The following PUM2 variants were observed in gnomAD, a reference collection of about 807,000 sequenced individuals.
The protein encoded by PUM2 is pumilio homolog 2.
A neutral mutation model predicts 124.5 loss-of-function variants in PUM2; 57 were observed. The observed-to-expected ratio is 0.46, with a 90% confidence interval of 0.37 to 0.57. The LOEUF (loss-of-function observed/expected upper bound fraction) is 0.57, where lower values mean the gene tolerates loss of function less well. PUM2 is among the 20% of genes least tolerant of loss of function. PUM2 has a pLI of 0.00. For synonymous variants in PUM2, 460 were observed against 446.1 expected (o/e 1.03, Z -0.39); for missense variants, 1,065 against 1,290.6 (o/e 0.83, Z 2.68).
intron 7 of PUM2, among the ~76,000 whole-genome samples, chr2:20,304,689 G>A (rs578007710): frequency 5.1e-4 from 77 of 152,130 alleles, no homozygotes; most frequent in Non-Finnish European, 1.0e-3. Flanking sequence ...TATAGTCACT[G>A]TGCATTTAAA....
At chr2:20,270,339 G>C (rs1378219962) in intron 13 of PUM2, among the ~76,000 whole-genome samples, 6 of 152,088 alleles carry the variant, frequency 3.9e-5, no homozygotes, top group Admixed American at 2.6e-4. Flanking sequence ...TTTCTGATTG[G>C]AGTGAAGAAA....
At chr2:20,350,846 C>A, upstream of PUM2, 7 of 963,762 alleles carry the variant, frequency 7.3e-6, no homozygotes, top group Non-Finnish European at 7.4e-6. Context: ...CCCTCCCCTC[C>A]CCCCCGCCCA....
In PUM2 at chr2:20,261,431, C is replaced by T. The variant is rs949066914; in HGVS notation, c.2226-965G>A. Among the ~76,000 whole-genome samples the T allele has an allele frequency of 3.0e-5, 3 of 100,728 alleles. No individual in the cohort carries two copies. In the East Asian group the frequency reaches 7.1e-4, roughly 24 times the overall value. 66.1% of individuals were successfully genotyped at this position (100,728 alleles called of 152,430 possible). The stretch of plus-strand genomic sequence containing the variant: ...AAAAAAAAAAAAAAAAAGTGTAGTA[C>T]ATATAATTGTGTACGGTATCTGATA... On this transcript the variant is annotated intron_variant, in intron 14 of 20. Transcript: ENST00000361078.
intron 1 of PUM2, among the ~76,000 whole-genome samples, chr2:20,327,856 G>C (rs1031807315): frequency 2.6e-5 from 4 of 152,126 alleles, no homozygotes; most frequent in African/African-American, 9.7e-5. Context: ...AGTAAGAAAG[G>C]GAATCCCAGA....
In PUM2 at chr2:20,248,758, C is replaced by T. The variant is rs987148453; in HGVS notation, c.*2827G>A. ...CAGGTTTATTTCATACAATGTTATT[C>T]ACACATTTTTCATTTTCTAATTTAT... On this transcript the variant is annotated 3_prime_UTR_variant, in exon 21 of 21. Transcript: ENST00000361078. The T allele has an allele frequency of 6.6e-6, 1 of 152,590 alleles. No homozygotes were observed. Among genetic ancestry groups the T allele is most frequent in the Non-Finnish European group, 1.5e-5 (1 of 68,022 alleles). 9.5% of individuals were successfully genotyped at this position (152,590 alleles called of 1,614,324 possible).
intron 16 of PUM2, among the ~76,000 whole-genome samples, chr2:20,257,241 T>C (rs951681174): frequency 1.3e-5 from 2 of 152,080 alleles, no homozygotes; most frequent in African/African-American, 2.4e-5. Flanking sequence ...TATTTCTCCA[T>C]TGTGACACAC....
chr2:20,350,171 G>A (rs749445663), intron 1 of PUM2: 1 of 152,340 alleles, frequency 6.6e-6, no homozygotes, highest in African/African-American at 2.4e-5. Context: ...GCCCACACTT[G>A]TTTTCATAAA....
intron 20 of PUM2, 67 bp from the exon 21 acceptor site, chr2:20,251,783 C>T (rs932142911): frequency 1.9e-6 from 3 of 1,547,634 alleles, no homozygotes; most frequent in Non-Finnish European, 2.6e-6. Flanking sequence ...AAAAAAGCAC[C>T]CCCAATTCTG....
rs1662985052 is a variant in PUM2 at position 20,250,259 on chromosome 2, G to A, written c.*1326C>T. 6.6e-6 allele frequency: 1 copy of A among 152,436 alleles called. No individual in the cohort carries two copies. The highest frequency in any genetic ancestry group is 6.6e-5 in the Admixed American group (1 of 15,242). The allele number at this position is 152,436 out of a possible 1,614,324, so 9.4% of individuals were successfully genotyped here. A position where few individuals can be genotyped will look rare whatever the true frequency, so the allele number is the denominator to read the frequency against. On this transcript the variant is annotated 3_prime_UTR_variant, in exon 21 of 21. Coordinates refer to ENST00000361078, the MANE Select transcript of PUM2 (RefSeq NM_015317.5). ...ATGATCTCACAATAATAAAAAGAAA[G>A]CTGGTTCATACTTCTGAAACCATAT...
intron 3 of PUM2, among the ~76,000 whole-genome samples, chr2:20,318,326 G>A (rs899104299): frequency 8.5e-5 from 13 of 152,266 alleles, no homozygotes; most frequent in African/African-American, 2.4e-4. Flanking sequence ...ATAGGGCTGG[G>A]TGTGGTGGCT....
At position 20,292,066 on chromosome 2, in the gene PUM2, T is replaced by C. The variant is rs3732160; in HGVS notation, c.1153-1276A>G. 4.4e-5 allele frequency among the ~76,000 whole-genome samples: 6 copies of C among 135,824 alleles called. No individual in the cohort carries two copies. In the East Asian group the frequency reaches 1.3e-3, roughly 29 times the overall value. The allele number at this position is 135,824 out of a possible 152,430, so 89.1% of individuals were successfully genotyped here. ...TCTGGTATGCAGTCTTCTGGCTTAG[T>C]GTCATCTTCCTTGATAAGCCCAGGA... is the stretch of plus-strand genomic sequence containing the variant. On this transcript the variant is annotated intron_variant, in intron 9 of 20. Coordinates refer to ENST00000361078, the MANE Select transcript of PUM2 (RefSeq NM_015317.5).
At chr2:20,298,894 A>C (rs1484467506) in intron 7 of PUM2, among the ~76,000 whole-genome samples, 2 of 152,234 alleles carry the variant, frequency 1.3e-5, no homozygotes, top group East Asian at 1.9e-4. Flanking sequence ...AAAAGCATTC[A>C]AAAGGAAAAT....
At chr2:20,299,839 T>C (rs960276110) in intron 7 of PUM2, among the ~76,000 whole-genome samples, 1 of 152,190 alleles carries the variant, frequency 6.6e-6, no homozygotes, top group Non-Finnish European at 1.5e-5. Context: ...ACTCGGTAAA[T>C]TATTTGAAGA....
At chr2:20,332,619 T>C (rs1685156834) in intron 1 of PUM2, among the ~76,000 whole-genome samples, 1 of 152,300 alleles carries the variant, frequency 6.6e-6, no homozygotes, top group African/African-American at 2.4e-5. Context: ...GCCCATATGC[T>C]ACTAAGTGGG....
At chr2:20,314,263 T>A (rs1251162734) in intron 3 of PUM2, among the ~76,000 whole-genome samples, 1 of 152,200 alleles carries the variant, frequency 6.6e-6, no homozygotes, top group Non-Finnish European at 1.5e-5. Context: ...TATAACGCTA[T>A]AATCACAAAT....
intron 16 of PUM2, among the ~76,000 whole-genome samples, chr2:20,257,526 A>G (rs1409959228): frequency 6.6e-6 from 1 of 152,162 alleles, no homozygotes; most frequent in Non-Finnish European, 1.5e-5. Context: ...TGGGGCTATA[A>G]ATTTCTTATT....
At chr2:20,269,635 C>A (rs1668567498) in intron 13 of PUM2, among the ~76,000 whole-genome samples, 1 of 152,052 alleles carries the variant, frequency 6.6e-6, no homozygotes, top group Admixed American at 6.5e-5. Context: ...TATAAAAATA[C>A]ACACATGTCA....
chr2:20,280,466 G>A (rs1671252921), intron 12 of PUM2, among the ~76,000 whole-genome samples: 1 of 152,012 alleles, frequency 6.6e-6, no homozygotes, highest in Non-Finnish European at 1.5e-5. Context: ...CTGTCAAAGT[G>A]ATTTTTCTAA....
chr2:20,266,462 AAAC>A lies in PUM2; in HGVS notation c.1958-3005_1958-3003del, dbSNP rs201788291. On this transcript the variant is annotated intron_variant, in intron 13 of 20. Transcript: ENST00000361078. ...CTTGTCTCAAAAACGAAACAAAACA[AAAC>A]AACAACAACAACAACCCCCCCACCA... is the stretch of plus-strand genomic sequence containing the variant. Among the ~76,000 whole-genome samples the A allele has an allele frequency of 1.6e-3, 250 of 151,554 alleles. 1 individual carries two copies. Among genetic ancestry groups the A allele is most frequent in the African/African-American group, 4.8e-3 (198 of 41,258 alleles).
Sources: allele counts gnomAD v4.1 joint callset (sites outside exome capture counted in the v4.1 genomes callset), GRCh38; gene constraint gnomAD v4.1.1; transcripts MANE v1.5; gene names NCBI Gene and HGNC (gene_info 2026-07-23, HGNC 2026-07-21).